IQCM: variants seen among roughly 807,000 people sequenced by gnomAD.
IQCM encodes the protein IQ motif containing M.
IQCM carries 45 observed loss-of-function variants against 57.6 expected under a neutral mutation model. The observed-to-expected ratio is 0.78, with a 90% CI of 0.62 to 1.00. IQCM has a LOEUF of 1.00. Among genes scored for constraint, IQCM ranks in the 50% least tolerant of loss-of-function variants. The pLI is 0.00. For missense variants in IQCM, 468 were observed against 511.6 expected, an observed-to-expected ratio of 0.91 and a Z score of 0.82; for synonymous variants, 148 against 158.9, an observed-to-expected ratio of 0.93 and a Z score of 0.51.
Position 149,425,197 on chromosome 4 carries a change from C to T in IQCM, c.1390+8199G>A, listed in dbSNP as rs370142668. Among the ~76,000 whole-genome samples, 7 of 152,064 alleles carry T rather than the reference C, an allele frequency of 4.6e-5. No homozygotes were observed. In the East Asian group the frequency reaches 1.4e-3, roughly 30 times the overall value. ...ATAAAGTGAATAAATATTAACTTTA[C>T]ATTAATTATACAATTTTGTCATCAT... is the stretch of plus-strand genomic sequence containing the variant. On this transcript the variant is annotated intron_variant, in intron 13 of 13. Coordinates refer to ENST00000636793, the MANE Select transcript of IQCM (RefSeq NM_001363507.2).
intron 5 of IQCM, among the ~76,000 whole-genome samples, chr4:149,693,114 CTCAA>C (rs1275321429): frequency 6.6e-6 from 1 of 152,166 alleles, no homozygotes; most frequent in African/African-American, 2.4e-5. Context: ...TTCACCTGAG[CTCAA>C]TCATTTGTTC....
At chr4:149,609,687 C>G (rs1755107687) in intron 8 of IQCM, among the ~76,000 whole-genome samples, 2 of 151,716 alleles carry the variant, frequency 1.3e-5, no homozygotes, top group Admixed American at 6.6e-5. Flanking sequence ...ATTCAGCATC[C>G]CTTTATGATA....
intron 5 of IQCM, among the ~76,000 whole-genome samples, chr4:149,720,453 T>C (rs1193812472): frequency 2.0e-5 from 3 of 152,294 alleles, no homozygotes. Context: ...GGAAACCAAG[T>C]TGCTCAGAAG....
At chr4:149,517,194 G>T (rs1281423681) in intron 12 of IQCM, among the ~76,000 whole-genome samples, 1 of 150,376 alleles carries the variant, frequency 6.6e-6, no homozygotes, top group Non-Finnish European at 1.5e-5. Context: ...GGTAGTAGAA[G>T]AAGGTAGTCA....
chr4:149,514,657 C>G (rs1156389950), intron 12 of IQCM: 1 of 152,274 alleles, frequency 6.6e-6, no homozygotes, highest in Non-Finnish European at 1.5e-5. Flanking sequence ...GTTAATGTCT[C>G]TTAACCTTCT....
chr4:149,428,227 C>CA (rs1024174433), intron 13 of IQCM, among the ~76,000 whole-genome samples: 1 of 151,206 alleles, frequency 6.6e-6, no homozygotes, highest in Non-Finnish European at 1.5e-5. Flanking sequence ...GAAAATATGA[C>CA]AAAAAATTAG....
intron 13 of IQCM, among the ~76,000 whole-genome samples, chr4:149,414,019 C>G (rs1733573736): frequency 1.3e-5 from 2 of 152,142 alleles, no homozygotes; most frequent in Non-Finnish European, 2.9e-5. Context: ...ATTTCTAGTT[C>G]TAGTATTAAT....
chr4:149,495,689 C>T (rs1742580727), intron 12 of IQCM, among the ~76,000 whole-genome samples: 1 of 151,982 alleles, frequency 6.6e-6, no homozygotes, highest in African/African-American at 2.4e-5. Context: ...AAACTTTTTA[C>T]ACAAAGGCAG....
intron 7 of IQCM, among the ~76,000 whole-genome samples, chr4:149,673,034 A>G (rs190143454): frequency 0.016 from 2,486 of 152,276 alleles, 37 homozygotes; most frequent in Non-Finnish European, 0.024. Flanking sequence ...TAAGCTTCAT[A>G]AGTAAAGGAG....
At chr4:149,607,570 A>T (rs1490215092) in intron 8 of IQCM, among the ~76,000 whole-genome samples, 1 of 152,070 alleles carries the variant, frequency 6.6e-6, no homozygotes, top group African/African-American at 2.4e-5. Flanking sequence ...CAAAAATAAT[A>T]ACTGCAACTT....
chr4:149,813,290 T>C (rs1774757052), intron 2 of IQCM, among the ~76,000 whole-genome samples: 2 of 152,104 alleles, frequency 1.3e-5, no homozygotes, highest in Admixed American at 6.6e-5. Flanking sequence ...ACATCTTGAA[T>C]AGGGTGTTCT....
intron 12 of IQCM, among the ~76,000 whole-genome samples, chr4:149,517,087 G>C (rs900158776): frequency 7.9e-6 from 1 of 126,576 alleles, no homozygotes; most frequent in Non-Finnish European, 1.6e-5. Context: ...GACCCTTCAG[G>C]AATGAAGGTT....
At chr4:149,660,789 A>C (rs1022674706) in intron 7 of IQCM, among the ~76,000 whole-genome samples, 6 of 152,148 alleles carry the variant, frequency 3.9e-5, no homozygotes, top group African/African-American at 1.4e-4. Flanking sequence ...CAATGAGAAC[A>C]CATGGACACA....
chr4:149,790,071 G>GCTC (rs1772448231), intron 2 of IQCM: 1 of 584,290 alleles, frequency 1.7e-6, no homozygotes, highest in East Asian at 3.4e-5. Context: ...GCTTCACCAG[G>GCTC]AACTTCATCT....
At chr4:149,636,754 T>C (rs1757750910) in intron 7 of IQCM, among the ~76,000 whole-genome samples, 1 of 152,024 alleles carries the variant, frequency 6.6e-6, no homozygotes. Context: ...GACACAAAAT[T>C]GGGGAGCAGG....
chr4:149,593,316 G>T (rs543182083), intron 8 of IQCM, among the ~76,000 whole-genome samples: 2 of 152,256 alleles, frequency 1.3e-5, no homozygotes, highest in South Asian at 4.1e-4. Context: ...TGTATCCTGA[G>T]ACTTTGCTGA....
chr4:149,707,416 T>C (rs1443164084), intron 5 of IQCM, among the ~76,000 whole-genome samples: 1 of 151,988 alleles, frequency 6.6e-6, no homozygotes, highest in Admixed American at 6.6e-5. Flanking sequence ...GAAGAGGCTA[T>C]CCACCATGGA....
chr4:149,397,231 T>C (rs1171003154), intron 13 of IQCM, among the ~76,000 whole-genome samples: 1 of 152,012 alleles, frequency 6.6e-6, no homozygotes, highest in East Asian at 1.9e-4. Context: ...TTTTTAATGA[T>C]AGCCATATTG....
chr4:149,538,302 T>G (rs1448506897), intron 12 of IQCM, among the ~76,000 whole-genome samples: 1 of 151,812 alleles, frequency 6.6e-6, no homozygotes, highest in East Asian at 1.9e-4. Flanking sequence ...TGGAATTATT[T>G]TAGCATTTAT....
Sources: allele counts gnomAD v4.1 joint callset (sites outside exome capture counted in the v4.1 genomes callset), GRCh38; gene constraint gnomAD v4.1.1; transcripts MANE v1.5; gene names NCBI Gene and HGNC (gene_info 2026-07-23, HGNC 2026-07-21).